Variants in MAGI2 observed in about 807,000 individuals in gnomAD.
MAGI2 encodes the protein membrane associated guanylate kinase, WW and PDZ domain containing 2.
A neutral mutation model predicts 133.3 loss-of-function variants in MAGI2; 35 were observed. The ratio of observed to expected loss-of-function variants is 0.26; its 90% CI spans 0.20 to 0.35. The LOEUF (loss-of-function observed/expected upper bound fraction) is 0.35. Among genes scored for constraint, MAGI2 ranks in the 10% least tolerant of loss-of-function variants. MAGI2 has a pLI of 1.00. For missense variants in MAGI2, 1,636 were observed against 1,863.4 expected, an observed-to-expected ratio of 0.88 and a Z score of 2.25; for synonymous variants, 729 against 710.6, an observed-to-expected ratio of 1.03 and a Z score of -0.41.
chr7:78,811,628 T>C (rs1789062708), intron 2 of MAGI2, among the ~76,000 whole-genome samples: 1 of 152,184 alleles, frequency 6.6e-6, no homozygotes, highest in Non-Finnish European at 1.5e-5. Flanking sequence ...TTATCTAGCT[T>C]CAATTATTAA....
chr7:78,310,012 C>T (rs1194934206), intron 9 of MAGI2, among the ~76,000 whole-genome samples: 1 of 152,124 alleles, frequency 6.6e-6, no homozygotes, highest in Non-Finnish European at 1.5e-5. Context: ...GGGTTTGTGG[C>T]AGCATTTGTA....
intron 20 of MAGI2, among the ~76,000 whole-genome samples, chr7:78,115,425 A>G (rs562824795): frequency 1.2e-4 from 18 of 152,338 alleles, no homozygotes; most frequent in Middle Eastern, 3.4e-3. Flanking sequence ...GGTGAAATAT[A>G]TTGTTAAAAT....
At chr7:78,119,945 T>C (rs1820267097) in intron 20 of MAGI2, among the ~76,000 whole-genome samples, 1 of 152,216 alleles carries the variant, frequency 6.6e-6, no homozygotes, top group Non-Finnish European at 1.5e-5. Flanking sequence ...TTTGCAGGTA[T>C]GTTATGGAAA....
intron 6 of MAGI2, among the ~76,000 whole-genome samples, chr7:78,423,194 T>G (rs2151411697): frequency 6.6e-6 from 1 of 152,232 alleles, no homozygotes; most frequent in South Asian, 2.1e-4. Context: ...TGGAGGCAGA[T>G]CTTTCCTGTG....
At chr7:79,194,622 C>CT (rs1198980318) in intron 1 of MAGI2, among the ~76,000 whole-genome samples, 10 of 151,664 alleles carry the variant, frequency 6.6e-5, no homozygotes, top group Admixed American at 2.0e-4. Context: ...ACAATTTACC[C>CT]TTGTGTGTCA....
At chr7:78,704,783 T>TTTTTTTTCC (rs200244410) in intron 2 of MAGI2, among the ~76,000 whole-genome samples, 17 of 115,090 alleles carry the variant, frequency 1.5e-4, no homozygotes, top group East Asian at 1.2e-3. Context: ...TTATTCTTTT[T>TTTTTTTTCC]TTTTTTTTTT....
intron 1 of MAGI2, among the ~76,000 whole-genome samples, chr7:79,182,942 T>C (rs865918243): frequency 6.6e-6 from 1 of 151,870 alleles, no homozygotes; most frequent in Non-Finnish European, 1.5e-5. Flanking sequence ...AAGCCATGCA[T>C]AGAAAGACAA....
chr7:78,362,448 A>G (rs1469167308), intron 7 of MAGI2, among the ~76,000 whole-genome samples: 1 of 152,130 alleles, frequency 6.6e-6, no homozygotes, highest in African/African-American at 2.4e-5. Flanking sequence ...GGTAAGTGGG[A>G]ATTATCAACT....
chr7:78,441,205 C>T (rs1311559215), intron 6 of MAGI2, among the ~76,000 whole-genome samples: 1 of 152,118 alleles, frequency 6.6e-6, no homozygotes, highest in Non-Finnish European at 1.5e-5. Flanking sequence ...GTTTGCTTAA[C>T]ATACACTTTG....
intron 2 of MAGI2, among the ~76,000 whole-genome samples, chr7:78,882,115 A>AAAAAAAAAAAAAAG (rs1795918606): frequency 4.3e-5 from 4 of 93,730 alleles, no homozygotes; most frequent in Admixed American, 1.4e-4. Flanking sequence ...AAAAGAAAAG[A>AAAAAAAAAAAAAAG]AAAACAAAAA....
intron 1 of MAGI2, among the ~76,000 whole-genome samples, chr7:79,234,055 G>C (rs1301360313): frequency 7.1e-5 from 10 of 141,666 alleles, no homozygotes; most frequent in African/African-American, 2.6e-4. Flanking sequence ...CGCTTATGAA[G>C]CTTAGTTTGG....
At chr7:79,252,761 TA>T (rs997256058) in intron 1 of MAGI2, among the ~76,000 whole-genome samples, 1 of 152,044 alleles carries the variant, frequency 6.6e-6, no homozygotes, top group Non-Finnish European at 1.5e-5. Flanking sequence ...TATTAAAAAT[TA>T]AAAAAATATT....
chr7:79,088,477 T>C (rs909555774), intron 1 of MAGI2, among the ~76,000 whole-genome samples: 2 of 152,132 alleles, frequency 1.3e-5, no homozygotes, highest in Non-Finnish European at 2.9e-5. Context: ...TTTGACTTCC[T>C]CTTTTCCTAT....
At chr7:78,624,518 C>G (rs991257264) in intron 3 of MAGI2, among the ~76,000 whole-genome samples, 1 of 152,046 alleles carries the variant, frequency 6.6e-6, no homozygotes, top group African/African-American at 2.4e-5. Flanking sequence ...GAGTCGGAAG[C>G]CATTGTCCTC....
At chr7:78,384,099 T>C (rs1280499883) in intron 6 of MAGI2, among the ~76,000 whole-genome samples, 7 of 152,096 alleles carry the variant, frequency 4.6e-5, no homozygotes, top group Non-Finnish European at 1.5e-5. Context: ...TGGTTCCATA[T>C]GAAATTTAGG....
At chr7:79,264,016 T>C (rs1030352247) in intron 1 of MAGI2, among the ~76,000 whole-genome samples, 6 of 152,158 alleles carry the variant, frequency 3.9e-5, no homozygotes, top group Non-Finnish European at 2.9e-5. Context: ...GTCATATATG[T>C]GATTTAAAAT....
chr7:78,099,869 G>A (rs1420751253), intron 20 of MAGI2, among the ~76,000 whole-genome samples: 1 of 152,178 alleles, frequency 6.6e-6, no homozygotes, highest in Non-Finnish European at 1.5e-5. Context: ...ACACTTTAAT[G>A]TGCCAATGAT....
Position 78,057,977 on chromosome 7 carries a change from G to GTATATATATATATATATATA in MAGI2, c.3706+20950_3706+20969dup, listed in dbSNP as rs58788674. Among the ~76,000 whole-genome samples, 160 of 106,522 alleles carry GTATATATATATATATATATA rather than the reference G, an allele frequency of 1.5e-3. 3 individuals carry two copies. The highest frequency in any genetic ancestry group is 3.2e-3 in the East Asian group (12 of 3,804). The allele number at this position is 106,522 out of a possible 152,430, so 69.9% of individuals were successfully genotyped here. A position where few individuals can be genotyped will look rare whatever the true frequency, so the allele number is the denominator to read the frequency against. On this transcript the variant is annotated intron_variant, in intron 21 of 21. Coordinates refer to ENST00000354212, the MANE Select transcript of MAGI2 (RefSeq NM_012301.4). ...CCCCTCTGGCATTTTATATATATGT[G>GTATATATATATATATATATA]TATATATATATATATATATATATAT... is the stretch of plus-strand genomic sequence containing the variant.
chr7:78,343,998 T>A, intron 8 of MAGI2, 38 bp from the exon 9 acceptor site: 6 of 1,578,444 alleles, frequency 3.8e-6, no homozygotes, highest in Non-Finnish European at 5.2e-6. Context: ...GAAAAAGGCA[T>A]GTTCAAGTCA....
Sources: gnomAD v4.1 joint callset for allele counts (sites outside exome capture counted in the v4.1 genomes callset) on GRCh38, gnomAD v4.1.1 for gene constraint, MANE v1.5 for transcripts, NCBI Gene and HGNC (gene_info 2026-07-23, HGNC 2026-07-21) for gene names.